The following EPHA5 variants were observed in gnomAD, a reference collection of about 807,000 sequenced individuals.
The protein encoded by EPHA5 is EPH receptor A5.
A neutral mutation model predicts 105.0 loss-of-function variants in EPHA5; 60 were observed. The ratio of observed to expected loss-of-function variants is 0.57; its 90% CI spans 0.46 to 0.71. The LOEUF (loss-of-function observed/expected upper bound fraction) is 0.71, where lower values mean the gene tolerates loss of function less well. EPHA5 is among the 30% of genes least tolerant of loss of function. The pLI, the probability that EPHA5 is intolerant of heterozygous loss-of-function variation, is 0.00. For synonymous variants in EPHA5, 513 were observed against 449.1 expected, an observed-to-expected ratio of 1.14 and a Z score of -1.80; for missense variants, 1,218 against 1,274.7, an observed-to-expected ratio of 0.96 and a Z score of 0.68.
chr4:65,611,685 C>G (rs1744774408), intron 2 of EPHA5, among the ~76,000 whole-genome samples: 1 of 151,950 alleles, frequency 6.6e-6, no homozygotes, highest in Admixed American at 6.6e-5. Context: ...GCTTCTGATG[C>G]AAGATTTGAC....
intron 5 of EPHA5, among the ~76,000 whole-genome samples, chr4:65,435,157 C>T (rs1725360166): frequency 6.6e-6 from 1 of 152,040 alleles, no homozygotes; most frequent in Non-Finnish European, 1.5e-5. Context: ...TATATATACA[C>T]CCTGGGCAAG....
intron 8 of EPHA5, among the ~76,000 whole-genome samples, chr4:65,382,663 A>G (rs559276769): frequency 2.0e-5 from 3 of 151,860 alleles, no homozygotes; most frequent in Non-Finnish European, 2.9e-5. Flanking sequence ...ACCTGGCTAC[A>G]CATTAGAATC....
intron 3 of EPHA5, among the ~76,000 whole-genome samples, chr4:65,566,091 G>A (rs1464480214): frequency 1.3e-5 from 2 of 151,586 alleles, no homozygotes; most frequent in African/African-American, 4.8e-5. Context: ...ACCTCTGTGG[G>A]GGCCCTACTT....
At chr4:65,655,783 T>C (rs1163635369) in intron 1 of EPHA5, among the ~76,000 whole-genome samples, 2 of 152,120 alleles carry the variant, frequency 1.3e-5, no homozygotes, top group Non-Finnish European at 2.9e-5. Context: ...TAATTAACAA[T>C]ATTCTGAGGT....
chr4:65,424,706 C>G (rs1391930239), intron 5 of EPHA5, among the ~76,000 whole-genome samples: 4 of 151,974 alleles, frequency 2.6e-5, no homozygotes, highest in Non-Finnish European at 5.9e-5. Context: ...CGATGAGATC[C>G]AAAGGCAAAG....
chr4:65,472,540 AC>A (rs1190258056), intron 5 of EPHA5, among the ~76,000 whole-genome samples: 2 of 152,094 alleles, frequency 1.3e-5, no homozygotes, highest in Non-Finnish European at 2.9e-5. Context: ...AGGTTCCCAA[AC>A]CTCAATTCTT....
intron 3 of EPHA5, among the ~76,000 whole-genome samples, chr4:65,580,625 AT>A (rs1741521503): frequency 6.6e-6 from 1 of 151,760 alleles, no homozygotes; most frequent in Non-Finnish European, 1.5e-5. Flanking sequence ...ATAAAATAAA[AT>A]AAAAGCCCTC....
intron 2 of EPHA5, among the ~76,000 whole-genome samples, chr4:65,637,550 T>TAC (rs1208472016): frequency 7.3e-6 from 1 of 137,022 alleles, no homozygotes; most frequent in Non-Finnish European, 1.6e-5. Context: ...CTCATATATA[T>TAC]ACACAAATAT....
chr4:65,487,853 C>G (rs1731025936), intron 5 of EPHA5, among the ~76,000 whole-genome samples: 1 of 152,082 alleles, frequency 6.6e-6, no homozygotes, highest in African/African-American at 2.4e-5. Flanking sequence ...GTTGCAATTT[C>G]CCTGTCTTGA....
chr4:65,623,962 A>G (rs374517560), intron 2 of EPHA5, among the ~76,000 whole-genome samples: 25 of 152,208 alleles, frequency 1.6e-4, no homozygotes, highest in African/African-American at 5.5e-4. Context: ...TTATCTGACA[A>G]AATGACTATA....
At chr4:65,444,579 A>G (rs1213037025) in intron 5 of EPHA5, among the ~76,000 whole-genome samples, 2 of 152,172 alleles carry the variant, frequency 1.3e-5, no homozygotes, top group Non-Finnish European at 2.9e-5. Flanking sequence ...TCAGTCCTGC[A>G]CAGTGTTAAC....
chr4:65,404,298 T>G, intron 8 of EPHA5, 76 bp downstream of exon 8: 1 of 1,247,326 alleles, frequency 8.0e-7, no homozygotes, highest in Admixed American at 1.8e-5. Context: ...TGGGATGTGC[T>G]CAACAGCCAA....
At chr4:65,413,160 T>A (rs1056382305) in intron 7 of EPHA5, among the ~76,000 whole-genome samples, 1 of 152,108 alleles carries the variant, frequency 6.6e-6, no homozygotes, top group African/African-American at 2.4e-5. Flanking sequence ...CATGTTCCTA[T>A]TAAATCTAGT....
chr4:65,472,416 CTG>C (rs2149164649), intron 5 of EPHA5, among the ~76,000 whole-genome samples: 1 of 152,342 alleles, frequency 6.6e-6, no homozygotes, highest in Non-Finnish European at 1.5e-5. Flanking sequence ...AGTGGGGACA[CTG>C]TGTGGGTGCT....
intron 5 of EPHA5, among the ~76,000 whole-genome samples, chr4:65,465,479 G>A (rs1363391139): frequency 4.3e-5 from 2 of 47,038 alleles, no homozygotes; most frequent in South Asian, 7.8e-4. Context: ...AAGAAAGAAA[G>A]AAAGAAAGAA....
intron 9 of EPHA5, 47 bp downstream of exon 9, chr4:65,367,310 A>C (rs966663021): frequency 8.2e-6 from 12 of 1,457,954 alleles, no homozygotes; most frequent in African/African-American, 4.2e-5. Flanking sequence ...AATAACAATA[A>C]AGTGTCCCCT....
intron 8 of EPHA5, among the ~76,000 whole-genome samples, chr4:65,392,685 G>T (rs190170500): frequency 3.9e-5 from 6 of 151,932 alleles, no homozygotes; most frequent in African/African-American, 1.4e-4. Context: ...GGGATCAAAA[G>T]GATTATATTT....
chr4:65,588,387 C>G (rs566556164), intron 3 of EPHA5, among the ~76,000 whole-genome samples: 81 of 152,236 alleles, frequency 5.3e-4, no homozygotes, highest in African/African-American at 1.8e-3. Flanking sequence ...TTTGTATTTT[C>G]TAGGAACAAG....
At chr4:65,606,273 G>C (rs890534051) in intron 2 of EPHA5, among the ~76,000 whole-genome samples, 2 of 152,016 alleles carry the variant, frequency 1.3e-5, no homozygotes, top group African/African-American at 2.4e-5. Context: ...TGATACAACA[G>C]GGCACAGAGT....
Sources: gnomAD v4.1 joint callset for allele counts (sites outside exome capture counted in the v4.1 genomes callset) on GRCh38, gnomAD v4.1.1 for gene constraint, MANE v1.5 for transcripts, NCBI Gene and HGNC (gene_info 2026-07-23, HGNC 2026-07-21) for gene names.